MAN2A2: variants seen among roughly 807,000 people sequenced by gnomAD.
MAN2A2 encodes mannosidase alpha class 2A member 2, also known as alpha-mannosidase 2x.
Under a neutral mutation model 126.8 loss-of-function variants are expected in MAN2A2, and 79 were observed. That is an observed-to-expected ratio of 0.62 (90% CI 0.52 to 0.75). MAN2A2 has a LOEUF of 0.75. MAN2A2 is among the 30% of genes least tolerant of loss of function. The pLI, the probability that MAN2A2 is intolerant of heterozygous loss-of-function variation, is 0.00. For synonymous variants in MAN2A2, 671 were observed against 618.7 expected, an observed-to-expected ratio of 1.08 and a Z score of -1.25; for missense variants, 1,392 against 1,522.4, an observed-to-expected ratio of 0.91 and a Z score of 1.43.
In MAN2A2 at chr15:90,910,492, T is replaced by C; in HGVS notation, c.1578-9T>C. ...TGCAGGCTGGCAGCTAACTTCTCTC[T>C]CTGGGCAGGGGGGCAGAGGTTCTGT... On this transcript the variant is annotated splice_polypyrimidine_tract_variant and intron_variant, in intron 10 of 22. Coordinates refer to ENST00000559717, the MANE Select transcript of MAN2A2 (RefSeq NM_006122.4). 6.2e-7 allele frequency: 1 copy of C among 1,613,420 alleles called. No individual in the cohort carries two copies. Among genetic ancestry groups the C allele is most frequent in the Non-Finnish European group, 8.5e-7 (1 of 1,179,812 alleles).
chr15:90,911,709 C>G (rs982257062), intron 14 of MAN2A2, 159 bp downstream of exon 14: 4 of 786,148 alleles, frequency 5.1e-6, no homozygotes, highest in Non-Finnish European at 7.9e-6. Flanking sequence ...GACAGGCACT[C>G]TTGGGATTTG....
At position 90,913,266 on chromosome 15, in the gene MAN2A2, T is replaced by G; in HGVS notation, c.2585-7T>G. On this transcript the variant is annotated splice_region_variant and splice_polypyrimidine_tract_variant and intron_variant, in intron 17 of 22. Coordinates refer to ENST00000559717, the MANE Select transcript of MAN2A2 (RefSeq NM_006122.4). ...TGTCCATGCCCCCACTTTGTTCCTG[T>G]ACCCAGGGGTGGAGGGGCTGTCTCT... The G allele has an allele frequency of 2.5e-6, 4 of 1,613,564 alleles. No individual in the cohort carries two copies. The highest frequency in any genetic ancestry group is 3.4e-6 in the Non-Finnish European group (4 of 1,179,764).
At chr15:90,911,710 T>G in intron 14 of MAN2A2, 160 bp downstream of exon 14, 1 of 781,472 alleles carries the variant, frequency 1.3e-6, no homozygotes, top group Non-Finnish European at 2.0e-6. Context: ...ACAGGCACTC[T>G]TGGGATTTGA....
In MAN2A2 at chr15:90,920,789, CAG is replaced by C. The variant is rs1367871048; in HGVS notation, c.*1003_*1004del. The C allele has an allele frequency of 6.6e-6, 1 of 152,218 alleles. No homozygotes were observed. The highest frequency in any genetic ancestry group is 1.5e-5 in the Non-Finnish European group (1 of 68,074). The allele number at this position is 152,218 out of a possible 1,614,324, so 9.4% of individuals were successfully genotyped here. The stretch of plus-strand genomic sequence containing the variant: ...CTGCAGAGGTATTCAGTTCCTGGCA[CAG>C]GGGACTAGGGGCATGTAGAGTATAT... On this transcript the variant is annotated 3_prime_UTR_variant, in exon 23 of 23. Transcript: ENST00000559717.
Position 90,904,187 on chromosome 15 carries a change from C to T in MAN2A2, c.-18-3C>T. ...GAGCTACAGATGGTGTCCTTCCTGC[C>T]AGGTGTGTGTGGAGGCCAGTATGAA... is the stretch of plus-strand genomic sequence containing the variant. On this transcript the variant is annotated splice_region_variant and splice_polypyrimidine_tract_variant and intron_variant, in intron 1 of 22. Coordinates refer to ENST00000559717, the MANE Select transcript of MAN2A2 (RefSeq NM_006122.4). 6.2e-7 allele frequency: 1 copy of T among 1,614,138 alleles called. No homozygotes were observed. The highest frequency in any genetic ancestry group is 8.5e-7 in the Non-Finnish European group (1 of 1,179,994).
chr15:90,910,285 C>T lies in MAN2A2; in HGVS notation c.1570C>T (p.His524Tyr), dbSNP rs2034618908. The T allele has an allele frequency of 1.9e-6, 3 of 1,613,888 alleles. No homozygotes were observed. Among genetic ancestry groups the T allele is most frequent in the East Asian group, 4.5e-5 (2 of 44,892 alleles). ...GAGCTTAGACCGAGTCCTGGAAGCCCACCTGCGGTGAGACCCTGTCCCCGC... is the reference window on the plus strand; with the variant it reads ...GAGCTTAGACCGAGTCCTGGAAGCCTACCTGCGGTGAGACCCTGTCCCCGC... ...YKSLDRVLEA[H>Y]LRGAEVLYSL... The change falls in exon 10 of 23, where the codon CAC (histidine) becomes TAC (tyrosine). Residue 524 changes from histidine (H) to tyrosine (Y), a missense_variant. Coordinates refer to ENST00000559717, the MANE Select transcript of MAN2A2 (RefSeq NM_006122.4).
chr15:90,905,206 G>C, intron 2 of MAN2A2, 45 bp from the exon 3 acceptor site: 1 of 1,595,762 alleles, frequency 6.3e-7, no homozygotes, highest in Non-Finnish European at 8.5e-7. Context: ...GACCCTCCCT[G>C]TGGCATAAGG....
intron 14 of MAN2A2, chr15:90,911,804 T>G: frequency 1.7e-6 from 1 of 604,720 alleles, no homozygotes; most frequent in Non-Finnish European, 2.9e-6. Flanking sequence ...CATTCAGTCA[T>G]TCAATGTTTA....
At position 90,912,627 on chromosome 15, in the gene MAN2A2, G is replaced by A; in HGVS notation, c.2432G>A (p.Ser811Asn). 1 of 1,614,190 alleles carries A rather than the reference G, an allele frequency of 6.2e-7. No homozygotes were observed. The highest frequency in any genetic ancestry group is 8.5e-7 in the Non-Finnish European group (1 of 1,180,024). ...GGCACCCGTACGTCCAAAGACAAGA[G>A]TGGAGCCTACCTCTTCCTGCCCGAT... is the stretch of plus-strand genomic sequence containing the variant. ...VYGTRTSKDKSGAYLFLPDGE... is the reference protein window; with the variant it reads ...VYGTRTSKDKNGAYLFLPDGE... The change falls in exon 16 of 23, where the codon AGT becomes AAT. Residue 811 changes from serine to asparagine, a missense_variant. Physicochemically the swap from Ser to Asn is conservative, Grantham distance 46. Transcript: ENST00000559717.
chr15:90,903,371 TC>T lies in MAN2A2; in HGVS notation c.-78del, dbSNP rs1044486136. 1.3e-5 allele frequency: 2 copies of T among 152,578 alleles called. No individual in the cohort carries two copies. The highest frequency in any genetic ancestry group is 4.8e-5 in the African/African-American group (2 of 41,436). 9.5% of individuals were successfully genotyped at this position (152,578 alleles called of 1,614,324 possible). ...CGGCCCCAGGGCCCGCGGAGCAGACTCCGGAGCGCGGTCCCGCCCACGCTCG... is the reference window on the plus strand; with the variant it reads ...CGGCCCCAGGGCCCGCGGAGCAGACTCGGAGCGCGGTCCCGCCCACGCTCG... On this transcript the variant is annotated 5_prime_UTR_variant, in exon 1 of 23. Transcript: ENST00000559717.
chr15:90,912,347 C>A (rs1455845806), intron 15 of MAN2A2, 68 bp downstream of exon 15: 25 of 1,581,844 alleles, frequency 1.6e-5, no homozygotes, highest in Non-Finnish European at 2.2e-5. Flanking sequence ...TGGCACTGTG[C>A]AGAGCGGCCT....
At position 90,912,933 on chromosome 15, in the gene MAN2A2, A is replaced by G. The variant is rs933628764; in HGVS notation, c.2526A>G (p.Ser842=). The G allele has an allele frequency of 6.2e-7, 1 of 1,613,958 alleles. No homozygotes were observed. The highest frequency in any genetic ancestry group is 8.5e-7 in the Non-Finnish European group (1 of 1,179,990). ...GTGTCACTGAAGGCCCTTTCTTCTC[A>G]GAGGTGGTTGCGTACTATGAGCACA... ...VLRVTEGPFF[S]EVVAYYEHIH... The change falls in exon 17 of 23, where the codon TCA becomes TCG. Residue 842 remains serine, a synonymous_variant. Transcript: ENST00000559717.
intron 15 of MAN2A2, 105 bp from the exon 16 acceptor site, chr15:90,912,437 G>A (rs2034828466): frequency 6.3e-7 from 1 of 1,590,480 alleles, no homozygotes. Flanking sequence ...TGACAGCATG[G>A]GGAAGCAGGG....
rs1451948196 is a variant in MAN2A2 at position 90,910,916 on chromosome 15, C to A, written c.1830C>A (p.Asp610Glu). 1 of 1,614,194 alleles carries A rather than the reference C, an allele frequency of 6.2e-7. No individual in the cohort carries two copies. Reference sequence around the variant, plus strand: ...CAGCCCACTATCTGGTGCTGGGGGACAAGGAGACCTACCACTTTGACCCTG... The same window carrying A: ...CAGCCCACTATCTGGTGCTGGGGGAAAAGGAGACCTACCACTTTGACCCTG... ...IHAAHYLVLG[D>E]KETYHFDPEA... Residue 610 changes from aspartate (D) to glutamate (E), a missense_variant, in exon 12 of 23, where the codon GAC (aspartate) becomes GAA (glutamate). Coordinates refer to ENST00000559717, the MANE Select transcript of MAN2A2 (RefSeq NM_006122.4).
Position 90,905,331 on chromosome 15 carries a change from C to G in MAN2A2, c.213C>G (p.Ile71Met). Residue 71 changes from isoleucine to methionine, a missense_variant, in exon 3 of 23, where the codon ATC becomes ATG. Coordinates refer to ENST00000559717, the MANE Select transcript of MAN2A2 (RefSeq NM_006122.4). The stretch of plus-strand genomic sequence containing the variant: ...AGAACCATGAGATTATCAGCCATAT[C>G]AAGGACTCCGTGCTGGAGCTGACAG... ...LEENHEIISH[I>M]KDSVLELTAN... 1.2e-6 allele frequency: 2 copies of G among 1,613,948 alleles called. No individual in the cohort carries two copies. The highest frequency in any genetic ancestry group is 1.7e-6 in the Non-Finnish European group (2 of 1,180,042).
At chr15:90,918,058 A>T in intron 20 of MAN2A2, 136 bp from the exon 21 acceptor site, 1 of 770,158 alleles carries the variant, frequency 1.3e-6, no homozygotes. Context: ...GCCTGGAGCC[A>T]GGCGTGCCCT....
chr15:90,913,496 C>A, intron 18 of MAN2A2, 90 bp downstream of exon 18: 1 of 1,570,906 alleles, frequency 6.4e-7, no homozygotes, highest in Admixed American at 1.8e-5. Context: ...GGATGATCTG[C>A]CCTGATGGAG....
chr15:90,904,432 C>A, intron 2 of MAN2A2, 93 bp downstream of exon 2: 18 of 1,383,736 alleles, frequency 1.3e-5, no homozygotes, highest in South Asian at 4.2e-5. Context: ...TCCCACCCCC[C>A]GCTGGAGGGT....
intron 14 of MAN2A2, 69 bp from the exon 15 acceptor site, chr15:90,911,974 A>G: frequency 7.6e-7 from 1 of 1,307,930 alleles, no homozygotes; most frequent in Non-Finnish European, 1.1e-6. Flanking sequence ...CTCTGTTAGT[A>G]AGCGGATGCC....
Sources: gnomAD v4.1 joint callset for allele counts on GRCh38, gnomAD v4.1.1 for gene constraint, MANE v1.5 for transcripts, NCBI Gene and HGNC (gene_info 2026-07-23, HGNC 2026-07-21) for gene names.